The following DOK6 variants were observed in gnomAD, a reference collection of about 807,000 sequenced individuals.
DOK6 encodes the protein downstream of tyrosine kinase 6.
DOK6 carries 22 observed loss-of-function variants against 44.0 expected under a neutral mutation model. The observed-to-expected ratio is 0.50, with a 90% CI of 0.36 to 0.71. The LOEUF is 0.71. Among genes scored for constraint, DOK6 ranks in the 30% least tolerant of loss-of-function variants. DOK6 has a pLI of 0.00. For missense variants in DOK6, 340 were observed against 416.4 expected, an observed-to-expected ratio of 0.82 and a Z score of 1.60; for synonymous variants, 166 against 145.5, an observed-to-expected ratio of 1.14 and a Z score of -1.01.
At chr18:69,418,348 A>G (rs1354521973) in intron 1 of DOK6, among the ~76,000 whole-genome samples, 4 of 152,084 alleles carry the variant, frequency 2.6e-5, no homozygotes, top group South Asian at 2.1e-4. Context: ...CAAATGGATG[A>G]TCTTTTATTA....
intron 7 of DOK6, among the ~76,000 whole-genome samples, chr18:69,815,635 C>A (rs1981377020): frequency 6.6e-6 from 1 of 152,092 alleles, no homozygotes; most frequent in Non-Finnish European, 1.5e-5. Context: ...CCACCTAATT[C>A]TTCATTCCAT....
intron 3 of DOK6, among the ~76,000 whole-genome samples, chr18:69,638,488 C>CTTTT (rs5825959): frequency 2.0e-5 from 3 of 148,918 alleles, no homozygotes; most frequent in African/African-American, 7.4e-5. Flanking sequence ...TATACTTATT[C>CTTTT]TTTTTTTTTT....
intron 3 of DOK6, among the ~76,000 whole-genome samples, chr18:69,602,279 T>C (rs1411364013): frequency 6.6e-6 from 1 of 152,228 alleles, no homozygotes; most frequent in Non-Finnish European, 1.5e-5. Flanking sequence ...CTACCCTTGA[T>C]ATGACGTGAT....
intron 1 of DOK6, among the ~76,000 whole-genome samples, chr18:69,465,827 T>C (rs145731884): frequency 1.3e-5 from 2 of 152,282 alleles, no homozygotes; most frequent in East Asian, 3.9e-4. Context: ...TATCCAGTAA[T>C]GGGATGGCTG....
intron 5 of DOK6, among the ~76,000 whole-genome samples, chr18:69,702,945 A>G (rs1181214719): frequency 6.6e-6 from 1 of 152,222 alleles, no homozygotes; most frequent in Non-Finnish European, 1.5e-5. Flanking sequence ...GGTTCAATAA[A>G]AATGTATTGA....
chr18:69,540,156 G>C (rs1982232121), intron 1 of DOK6, among the ~76,000 whole-genome samples: 1 of 152,110 alleles, frequency 6.6e-6, no homozygotes, highest in Admixed American at 6.6e-5. Flanking sequence ...GGGGATTATG[G>C]GGATTACAGT....
chr18:69,409,428 T>A (rs1361898806), intron 1 of DOK6, among the ~76,000 whole-genome samples: 1 of 152,240 alleles, frequency 6.6e-6, no homozygotes, highest in Non-Finnish European at 1.5e-5. Flanking sequence ...TATGTGTGTA[T>A]GTATATGTGT....
intron 3 of DOK6, among the ~76,000 whole-genome samples, chr18:69,653,432 C>T (rs377450489): frequency 1.9e-4 from 29 of 152,148 alleles, no homozygotes; most frequent in African/African-American, 6.7e-4. Context: ...TGTTGCTTCC[C>T]GAGGTACTTG....
intron 7 of DOK6, among the ~76,000 whole-genome samples, chr18:69,759,496 G>A (rs1274488118): frequency 6.6e-6 from 1 of 152,152 alleles, no homozygotes; most frequent in South Asian, 2.1e-4. Flanking sequence ...GTCAGAAGTA[G>A]TATAATAACT....
chr18:69,478,300 A>T (rs1187947853), intron 1 of DOK6, among the ~76,000 whole-genome samples: 3 of 152,170 alleles, frequency 2.0e-5, no homozygotes, highest in Admixed American at 6.5e-5. Context: ...ATCAGCCATC[A>T]TTTATTCTAA....
chr18:69,707,956 G>A (rs1568339887), intron 5 of DOK6, among the ~76,000 whole-genome samples: 1 of 152,156 alleles, frequency 6.6e-6, no homozygotes, highest in South Asian at 2.1e-4. Context: ...CATGAGGATA[G>A]AGGGGTCAGG....
At position 69,724,591 on chromosome 18, in the gene DOK6, C is replaced by G. The variant is rs58884339; in HGVS notation, c.600-14374C>G. Among the ~76,000 whole-genome samples, 736 of 152,248 alleles carry G rather than the reference C, an allele frequency of 4.8e-3. 4 individuals carry two copies. Among genetic ancestry groups the G allele is most frequent in the African/African-American group, 0.016 (675 of 41,542 alleles). On this transcript the variant is annotated intron_variant, in intron 5 of 7. Coordinates refer to ENST00000382713, the MANE Select transcript of DOK6 (RefSeq NM_152721.6). ...AACTTTCCTTATGACATTTTTATCC[C>G]ATTCTTTATAATAGTTGGTGCTGGG... is the stretch of plus-strand genomic sequence containing the variant.
chr18:69,815,932 C>G (rs992750499), intron 7 of DOK6, among the ~76,000 whole-genome samples: 5 of 152,130 alleles, frequency 3.3e-5, no homozygotes, highest in Non-Finnish European at 7.4e-5. Context: ...TGCTTATCCA[C>G]TTGCACTGTC....
intron 1 of DOK6, among the ~76,000 whole-genome samples, chr18:69,404,785 TGGTGTG>T (rs1568246562): frequency 1.0e-5 from 1 of 96,158 alleles, no homozygotes; most frequent in African/African-American, 4.4e-5. Context: ...CAGGATAGGG[TGGTGTG>T]TGTGTGTGTG....
At chr18:69,485,923 G>T (rs1160163555) in intron 1 of DOK6, among the ~76,000 whole-genome samples, 1 of 145,064 alleles carries the variant, frequency 6.9e-6, no homozygotes, top group Non-Finnish European at 1.5e-5. Flanking sequence ...ATATCTCCCA[G>T]TATCCCCTAA....
chr18:69,809,250 G>A lies in DOK6; in HGVS notation c.857-31994G>A, dbSNP rs147634324. Among the ~76,000 whole-genome samples, 18 of 151,588 alleles carry A rather than the reference G, an allele frequency of 1.2e-4. No homozygotes were observed. In the East Asian group the frequency reaches 2.9e-3, roughly 24 times the overall value. On this transcript the variant is annotated intron_variant, in intron 7 of 7. Transcript: ENST00000382713. ...GAAAAAGCATTGGACAAAATTCAACGTCCTTTCATAATAAGAAAAACCTCA... is the reference window on the plus strand; with the variant it reads ...GAAAAAGCATTGGACAAAATTCAACATCCTTTCATAATAAGAAAAACCTCA...
At chr18:69,462,052 G>C (rs1599142390) in intron 1 of DOK6, among the ~76,000 whole-genome samples, 1 of 152,062 alleles carries the variant, frequency 6.6e-6, no homozygotes, top group African/African-American at 2.4e-5. Flanking sequence ...TCATCCTCTT[G>C]TCTGGTTAGT....
intron 1 of DOK6, among the ~76,000 whole-genome samples, chr18:69,559,066 G>A (rs193067245): frequency 0.012 from 1,892 of 152,114 alleles, 15 homozygotes; most frequent in Middle Eastern, 0.037. Flanking sequence ...TTATCTCTGT[G>A]TGATTGCCTT....
At chr18:69,714,769 A>G (rs1221994386) in intron 5 of DOK6, among the ~76,000 whole-genome samples, 1 of 152,162 alleles carries the variant, frequency 6.6e-6, no homozygotes, top group Non-Finnish European at 1.5e-5. Flanking sequence ...ATTTAGCAAT[A>G]TTTTCATAAA....
Sources: allele counts gnomAD v4.1 joint callset (sites outside exome capture counted in the v4.1 genomes callset), GRCh38; gene constraint gnomAD v4.1.1; transcripts MANE v1.5; gene names NCBI Gene and HGNC (gene_info 2026-07-23, HGNC 2026-07-21).